DAB1: variants seen among roughly 807,000 people sequenced by gnomAD.
DAB1 encodes the protein disabled homolog 1.
DAB1 carries 15 observed loss-of-function variants against 64.6 expected under a neutral mutation model. That is an observed-to-expected ratio of 0.23 (90% CI 0.16 to 0.36). The LOEUF (loss-of-function observed/expected upper bound fraction) is 0.36. DAB1 is among the 10% of genes least tolerant of loss of function. The probability of loss-of-function intolerance (pLI) is 1.00; values close to 1 mark genes in which losing one functional copy is unlikely to be tolerated. For missense variants in DAB1, 596 were observed against 706.7 expected, an observed-to-expected ratio of 0.84 and a Z score of 1.78; for synonymous variants, 235 against 251.9, an observed-to-expected ratio of 0.93 and a Z score of 0.64.
chr1:57,449,753 A>G (rs1343483387), intron 7 of DAB1, among the ~76,000 whole-genome samples: 1 of 152,132 alleles, frequency 6.6e-6, no homozygotes, highest in East Asian at 1.9e-4. Context: ...ATCTTTAGAC[A>G]TTATTTTCCA....
At chr1:58,066,473 T>A (rs1648860714) in intron 5 of DAB1, among the ~76,000 whole-genome samples, 1 of 152,212 alleles carries the variant, frequency 6.6e-6, no homozygotes, top group African/African-American at 2.4e-5. Context: ...ACAATAATAA[T>A]AATTGCAAAA....
intron 6 of DAB1, among the ~76,000 whole-genome samples, chr1:57,752,313 AT>A (rs1648595188): frequency 1.3e-5 from 2 of 152,326 alleles, no homozygotes; most frequent in South Asian, 4.1e-4. Context: ...TTTTCAACCC[AT>A]ATATACACCT....
chr1:58,187,637 T>A (rs1326029922), intron 4 of DAB1, among the ~76,000 whole-genome samples: 1 of 151,054 alleles, frequency 6.6e-6, no homozygotes, highest in South Asian at 2.1e-4. Flanking sequence ...TGGAGTGCAA[T>A]GGCATGATCT....
rs1655070107 is a variant in DAB1 at position 58,153,702 on chromosome 1, G to A, written n.310-3114C>T. Among the ~76,000 whole-genome samples the A allele has an allele frequency of 2.0e-5, 3 of 151,774 alleles. No homozygotes were observed. In the South Asian group the frequency reaches 6.3e-4, roughly 32 times the overall value. On this transcript the variant is annotated intron_variant and non_coding_transcript_variant, in intron 4 of 20. Coordinates refer to the DAB1 transcript ENST00000485760. ...TCCTTTTGGTCTCCATTGTCTATAG[G>A]ATGGAGTATTCATCTTCCTCCACAA...
chr1:57,071,468 A>T (rs1651452238), intron 6 of DAB1, 54 bp downstream of exon 6: 1 of 1,579,694 alleles, frequency 6.3e-7, no homozygotes, highest in Non-Finnish European at 8.6e-7. Flanking sequence ...CAGTTTTTAC[A>T]TGTGTTTATT....
At chr1:58,473,727 T>C (rs983331975) in intron 3 of DAB1, 3 of 431,008 alleles carry the variant, frequency 7.0e-6, no homozygotes, top group Admixed American at 7.3e-5. Flanking sequence ...ACTGCTCTTA[T>C]TGTTAGGGAC....
chr1:58,101,153 AAAAAACAC>A (rs1207082752), intron 5 of DAB1, among the ~76,000 whole-genome samples: 1 of 151,906 alleles, frequency 6.6e-6, no homozygotes, highest in African/African-American at 2.4e-5. Flanking sequence ...TGTCTCTACT[AAAAAACAC>A]AAAAAATTAG....
At chr1:58,497,266 G>A (rs1645819689) in intron 3 of DAB1, among the ~76,000 whole-genome samples, 1 of 152,088 alleles carries the variant, frequency 6.6e-6, no homozygotes, top group South Asian at 2.1e-4. Flanking sequence ...AAAGTCAAAA[G>A]GACTTTAGGG....
At chr1:57,130,105 G>GA (rs1166450342) in intron 4 of DAB1, among the ~76,000 whole-genome samples, 1 of 151,710 alleles carries the variant, frequency 6.6e-6, no homozygotes, top group Non-Finnish European at 1.5e-5. Context: ...CATGTGCTAG[G>GA]ATACAGCAAG....
At chr1:58,478,113 T>G (rs768347499) in intron 3 of DAB1, among the ~76,000 whole-genome samples, 1 of 152,176 alleles carries the variant, frequency 6.6e-6, no homozygotes, top group African/African-American at 2.4e-5. Context: ...AGGTAAGTGA[T>G]TGAATCATGG....
At chr1:58,207,881 G>T (rs1658360307) in intron 4 of DAB1, among the ~76,000 whole-genome samples, 1 of 152,154 alleles carries the variant, frequency 6.6e-6, no homozygotes, top group African/African-American at 2.4e-5. Flanking sequence ...ACTGCTAGAA[G>T]GACATACCTG....
chr1:57,651,794 C>A (rs1186014288), intron 6 of DAB1, among the ~76,000 whole-genome samples: 1 of 152,158 alleles, frequency 6.6e-6, no homozygotes, highest in Non-Finnish European at 1.5e-5. Flanking sequence ...GTATGCTAAG[C>A]AATATACAAA....
chr1:57,528,483 T>G (rs537973369), intron 7 of DAB1, among the ~76,000 whole-genome samples: 7 of 152,268 alleles, frequency 4.6e-5, no homozygotes, highest in Non-Finnish European at 8.8e-5. Flanking sequence ...TGATGACTTA[T>G]TAGCTGAAGC....
intron 1 of DAB1, among the ~76,000 whole-genome samples, chr1:57,839,011 C>A (rs894815299): frequency 6.6e-6 from 1 of 152,010 alleles, no homozygotes. Flanking sequence ...AAACTCCTAG[C>A]TTCATGTGAT....
chr1:58,313,394 C>T (rs891408742), intron 4 of DAB1, among the ~76,000 whole-genome samples: 3 of 152,122 alleles, frequency 2.0e-5, no homozygotes, highest in Non-Finnish European at 4.4e-5. Flanking sequence ...GGACACAGAC[C>T]TGTGGCTGAC....
chr1:57,998,210 G>C lies in DAB1; in HGVS notation n.388-114048C>G, dbSNP rs115468074. ...CTGGAATAGTCTGGGTCTGTATCTC[G>C]ATTCTGCCATTGCCTAGCCTTGTGC... On this transcript the variant is annotated intron_variant and non_coding_transcript_variant, in intron 5 of 20. Transcript: ENST00000485760. Among the ~76,000 whole-genome samples, 1,118 of 152,212 alleles carry C rather than the reference G, an allele frequency of 7.3e-3. 12 individuals are homozygous for C. The highest frequency in any genetic ancestry group is 0.012 in the Non-Finnish European group (808 of 68,012).
At chr1:57,521,443 G>GTT (rs56887634) in intron 7 of DAB1, among the ~76,000 whole-genome samples, 2 of 149,878 alleles carry the variant, frequency 1.3e-5, no homozygotes, top group African/African-American at 4.9e-5. Context: ...TGAACGACAA[G>GTT]TTTTTTTTTT....
At chr1:58,426,387 A>G (rs541987371) in intron 3 of DAB1, among the ~76,000 whole-genome samples, 7 of 152,322 alleles carry the variant, frequency 4.6e-5, no homozygotes, top group Non-Finnish European at 5.9e-5. Context: ...ATTTGACACT[A>G]TGCTGAAGAC....
At chr1:58,537,361 G>A (rs1646534081) in intron 1 of DAB1, among the ~76,000 whole-genome samples, 1 of 152,070 alleles carries the variant, frequency 6.6e-6, no homozygotes, top group Admixed American at 6.6e-5. Context: ...GATTCCACAA[G>A]GTACAAGGGA....
Sources: gnomAD v4.1 joint callset for allele counts (sites outside exome capture counted in the v4.1 genomes callset) on GRCh38, gnomAD v4.1.1 for gene constraint, MANE v1.5 for transcripts, NCBI Gene and HGNC (gene_info 2026-07-23, HGNC 2026-07-21) for gene names.